The following PAM variants were observed in gnomAD, a reference collection of about 807,000 sequenced individuals.
PAM encodes peptidylglycine alpha-amidating monooxygenase.
PAM carries 72 observed loss-of-function variants against 122.1 expected under a neutral mutation model. The ratio of observed to expected loss-of-function variants is 0.59; its 90% CI spans 0.49 to 0.72. The LOEUF is 0.72. Ranked by LOEUF, PAM falls within the 30% of genes least tolerant of loss-of-function variation. PAM has a pLI of 0.00. For missense variants in PAM, 1,106 were observed against 1,183.7 expected, an observed-to-expected ratio of 0.93 and a Z score of 0.96; for synonymous variants, 389 against 404.4, an observed-to-expected ratio of 0.96 and a Z score of 0.46.
intron 16 of PAM, among the ~76,000 whole-genome samples, chr5:102,994,346 C>CA (rs1251856425): frequency 1.3e-5 from 2 of 152,110 alleles, no homozygotes; most frequent in Non-Finnish European, 2.9e-5. Context: ...CCCATTTATC[C>CA]ATGTCAATTA....
chr5:102,978,060 T>A (rs1387995835), intron 15 of PAM, among the ~76,000 whole-genome samples: 4 of 152,204 alleles, frequency 2.6e-5, no homozygotes, highest in Non-Finnish European at 5.9e-5. Flanking sequence ...TACTGTCATG[T>A]TATGTTAGAT....
chr5:102,779,252 G>A (rs1332359490), intron 1 of PAM, among the ~76,000 whole-genome samples: 3 of 149,144 alleles, frequency 2.0e-5, no homozygotes, highest in East Asian at 4.1e-4. Context: ...ATATATATAT[G>A]TATATATATA....
intron 20 of PAM, 99 bp from the exon 21 acceptor site, chr5:103,009,652 T>C: frequency 7.2e-6 from 5 of 699,264 alleles, no homozygotes; most frequent in Non-Finnish European, 1.3e-5. Flanking sequence ...AGGGACCAGG[T>C]TGACCCTAAA....
At chr5:103,004,491 C>T (rs1289355320) in intron 17 of PAM, among the ~76,000 whole-genome samples, 4 of 152,144 alleles carry the variant, frequency 2.6e-5, no homozygotes, top group Non-Finnish European at 5.9e-5. Flanking sequence ...ATTGGATTGT[C>T]GGATATCATT....
intron 1 of PAM, among the ~76,000 whole-genome samples, chr5:102,807,233 A>C (rs547375217): frequency 1.2e-4 from 18 of 152,336 alleles, no homozygotes; most frequent in South Asian, 6.2e-4. Context: ...TTATATACTT[A>C]TTAAAGTGTT....
At chr5:102,980,937 AT>A (rs1012341108) in intron 15 of PAM, among the ~76,000 whole-genome samples, 1 of 152,162 alleles carries the variant, frequency 6.6e-6, no homozygotes, top group African/African-American at 2.4e-5. Flanking sequence ...GACTTCATAC[AT>A]TTTTTTACAC....
At chr5:102,993,333 A>G (rs1410594426) in intron 16 of PAM, among the ~76,000 whole-genome samples, 1 of 152,062 alleles carries the variant, frequency 6.6e-6, no homozygotes, top group Non-Finnish European at 1.5e-5. Context: ...TTGCCTCAGT[A>G]ATAACTGTTC....
At chr5:102,803,129 A>G (rs978473598) in intron 1 of PAM, among the ~76,000 whole-genome samples, 2 of 142,808 alleles carry the variant, frequency 1.4e-5, no homozygotes, top group African/African-American at 2.8e-5. Context: ...TGTCCAAAAA[A>G]AAAGAAAGAA....
intron 1 of PAM, among the ~76,000 whole-genome samples, chr5:102,814,457 G>A (rs1481101128): frequency 6.6e-6 from 1 of 150,982 alleles, no homozygotes; most frequent in African/African-American, 2.4e-5. Flanking sequence ...ATTAATCAAG[G>A]GACAGTGTGA....
intron 3 of PAM, among the ~76,000 whole-genome samples, chr5:102,888,978 T>A (rs1793985302): frequency 6.6e-6 from 1 of 151,970 alleles, no homozygotes; most frequent in African/African-American, 2.4e-5. Flanking sequence ...TTTAAGAACA[T>A]GTTTTAAAAT....
rs116000597 is a variant in PAM, at chr5:102,840,417, C to T, written c.-373-25406C>T. ...TTGACTTGTACATAGTGCATTCTTACAGCAATGATAATTTGAAGAGGAATT... is the reference window on the plus strand; with the variant it reads ...TTGACTTGTACATAGTGCATTCTTATAGCAATGATAATTTGAAGAGGAATT... On this transcript the variant is annotated intron_variant, in intron 1 of 25. Transcript: ENST00000438793. Among the ~76,000 whole-genome samples the T allele has an allele frequency of 6.9e-3, 1,051 of 152,166 alleles. 8 individuals are homozygous for T. Among genetic ancestry groups the T allele is most frequent in the Non-Finnish European group, 0.013 (874 of 67,996 alleles).
intron 16 of PAM, among the ~76,000 whole-genome samples, chr5:102,992,476 C>G (rs990143275): frequency 6.6e-6 from 1 of 152,030 alleles, no homozygotes; most frequent in Non-Finnish European, 1.5e-5. Flanking sequence ...AAGTAGATTA[C>G]TCTGTTAGTT....
intron 12 of PAM, 41 bp downstream of exon 12, chr5:102,950,861 G>T (rs1562005930): frequency 8.4e-7 from 1 of 1,197,358 alleles, no homozygotes; most frequent in Non-Finnish European, 1.2e-6. Flanking sequence ...ATATTTTATT[G>T]GGATAAGGCA....
intron 15 of PAM, among the ~76,000 whole-genome samples, chr5:102,987,051 AT>A (rs902632037): frequency 6.6e-6 from 1 of 152,146 alleles, no homozygotes; most frequent in African/African-American, 2.4e-5. Context: ...TACCAATGAC[AT>A]TTTTCACAAA....
At chr5:102,822,067 T>G (rs944510132) in intron 1 of PAM, among the ~76,000 whole-genome samples, 8 of 152,166 alleles carry the variant, frequency 5.3e-5, no homozygotes, top group African/African-American at 1.9e-4. Context: ...GGTGATGGGT[T>G]AAATCCAGAG....
chr5:102,901,204 T>C (rs375187603), intron 3 of PAM, 152 bp from the exon 4 acceptor site: 2 of 551,046 alleles, frequency 3.6e-6, no homozygotes. Context: ...GTTCTGGACT[T>C]AGCCTTTCCA....
chr5:102,978,149 T>G (rs1299614663), intron 15 of PAM, among the ~76,000 whole-genome samples: 1 of 152,204 alleles, frequency 6.6e-6, no homozygotes, highest in East Asian at 1.9e-4. Flanking sequence ...ACAGAGAATT[T>G]TCTTGCAGTA....
chr5:102,867,840 A>G (rs1786085914), intron 3 of PAM, among the ~76,000 whole-genome samples: 1 of 152,274 alleles, frequency 6.6e-6, no homozygotes, highest in African/African-American at 2.4e-5. Context: ...TTTGAAAAAC[A>G]AAACATTCCA....
Position 102,757,914 on chromosome 5 carries a change from C to T in PAM, c.-374+2566C>T, listed in dbSNP as rs1218739858. On this transcript the variant is annotated intron_variant, in intron 1 of 25. Transcript: ENST00000438793. ...AAAAAAAGCCAGGTGTGGTGGTGCA[C>T]GCCGGTAGTCCCAGCTACTCAAGAG... is the stretch of plus-strand genomic sequence containing the variant. 5.3e-5 allele frequency among the ~76,000 whole-genome samples: 8 copies of T among 151,058 alleles called. No homozygotes were observed. In the East Asian group the frequency reaches 5.8e-4, roughly 11 times the overall value.
Sources: allele counts gnomAD v4.1 joint callset (sites outside exome capture counted in the v4.1 genomes callset), GRCh38; gene constraint gnomAD v4.1.1; transcripts MANE v1.5; gene names NCBI Gene and HGNC (gene_info 2026-07-23, HGNC 2026-07-21).